DIS3L2: variants seen among roughly 807,000 people sequenced by gnomAD.
DIS3L2 encodes the protein DIS3 like 3'-5' exoribonuclease 2, also known as DIS3-like exonuclease 2.
In DIS3L2, 34 loss-of-function variants were observed where a neutral mutation model predicts 97.5. The observed-to-expected ratio is 0.35, with a 90% CI of 0.27 to 0.46. DIS3L2 has a LOEUF of 0.46. Among genes scored for constraint, DIS3L2 ranks in the 20% least tolerant of loss-of-function variants. The pLI, the probability that DIS3L2 is intolerant of heterozygous loss-of-function variation, is 1.00. For synonymous variants in DIS3L2, 435 were observed against 445.2 expected (o/e 0.98, Z 0.29); for missense variants, 1,038 against 1,146.0 (o/e 0.91, Z 1.36).
intron 9 of DIS3L2, among the ~76,000 whole-genome samples, chr2:232,183,951 G>T (rs868541991): frequency 1.3e-5 from 2 of 152,144 alleles, no homozygotes; most frequent in African/African-American, 4.8e-5. Context: ...TTTTCACCAC[G>T]ATTACAATGC....
At chr2:232,052,214 G>A (rs959729055) in intron 5 of DIS3L2, among the ~76,000 whole-genome samples, 19 of 152,084 alleles carry the variant, frequency 1.2e-4, no homozygotes, top group African/African-American at 4.1e-4. Flanking sequence ...AGTAGAGACG[G>A]GGTTTTGCCG....
intron 13 of DIS3L2, among the ~76,000 whole-genome samples, chr2:232,280,883 C>G (rs561999526): frequency 1.6e-4 from 24 of 152,308 alleles, no homozygotes; most frequent in Non-Finnish European, 3.2e-4. Flanking sequence ...GTTGTAGAAG[C>G]TGGCAGAAGA....
chr2:232,028,644 G>A (rs1370640082), intron 4 of DIS3L2, among the ~76,000 whole-genome samples: 1 of 152,148 alleles, frequency 6.6e-6, no homozygotes, highest in Non-Finnish European at 1.5e-5. Flanking sequence ...CCTCCAAACA[G>A]CCCATTTTTC....
chr2:232,099,405 G>A (rs972979557), intron 6 of DIS3L2, among the ~76,000 whole-genome samples: 3 of 151,976 alleles, frequency 2.0e-5, no homozygotes, highest in Middle Eastern at 3.4e-3. Context: ...TAGTACAGAC[G>A]GGGTTTTGCC....
At chr2:232,170,422 T>G (rs1345204356) in intron 9 of DIS3L2, among the ~76,000 whole-genome samples, 1 of 152,198 alleles carries the variant, frequency 6.6e-6, no homozygotes, top group African/African-American at 2.4e-5. Context: ...ATGTCACTTT[T>G]CAGTAAAACT....
chr2:232,277,399 T>C (rs929781230), intron 13 of DIS3L2, among the ~76,000 whole-genome samples: 6 of 152,230 alleles, frequency 3.9e-5, no homozygotes, highest in African/African-American at 1.4e-4. Flanking sequence ...ACACTGCAAT[T>C]AATACTCTTA....
At chr2:232,274,871 C>G (rs1446907577) in intron 13 of DIS3L2, among the ~76,000 whole-genome samples, 1 of 152,210 alleles carries the variant, frequency 6.6e-6, no homozygotes, top group South Asian at 2.1e-4. Context: ...CAGTCTTTTA[C>G]GTTGACTTGG....
chr2:232,137,807 T>C (rs1255722124), intron 8 of DIS3L2, among the ~76,000 whole-genome samples: 1 of 152,192 alleles, frequency 6.6e-6, no homozygotes, highest in Non-Finnish European at 1.5e-5. Flanking sequence ...TACTTTCTTT[T>C]TTTCCTCTCA....
At chr2:232,115,400 G>A (rs1697676816) in intron 6 of DIS3L2, among the ~76,000 whole-genome samples, 1 of 152,100 alleles carries the variant, frequency 6.6e-6, no homozygotes, top group East Asian at 1.9e-4. Flanking sequence ...CGAATGTATT[G>A]AAAGAGAAAA....
chr2:232,310,014 C>T (rs7589461), intron 14 of DIS3L2, among the ~76,000 whole-genome samples: 30,574 of 152,192 alleles, frequency 0.2, 3,725 homozygotes, highest in African/African-American at 0.34. Flanking sequence ...CTGACAACTT[C>T]AAACCAGCAC....
chr2:232,193,643 A>G (rs16828661), intron 9 of DIS3L2, among the ~76,000 whole-genome samples: 18,611 of 152,214 alleles, frequency 0.12, 2,814 homozygotes, highest in African/African-American at 0.36. Flanking sequence ...ATCATTGGGT[A>G]TTAATATATT....
At chr2:231,979,871 C>T (rs1409136507) in intron 1 of DIS3L2, among the ~76,000 whole-genome samples, 2 of 152,122 alleles carry the variant, frequency 1.3e-5, no homozygotes, top group Admixed American at 6.6e-5. Flanking sequence ...CCACTGCGCC[C>T]GGCCTATTTT....
chr2:232,205,211 C>CATAGATATAT (rs1691995859), intron 9 of DIS3L2, among the ~76,000 whole-genome samples: 1 of 140,560 alleles, frequency 7.1e-6, no homozygotes, highest in African/African-American at 2.7e-5. Flanking sequence ...AGGCAGTTTA[C>CATAGATATAT]ATATATATAT....
At chr2:232,078,001 C>A (rs867830455) in intron 5 of DIS3L2, among the ~76,000 whole-genome samples, 1 of 126,474 alleles carries the variant, frequency 7.9e-6, no homozygotes, top group Non-Finnish European at 1.6e-5. Flanking sequence ...TTCTTTCTTT[C>A]TTTCTTTCTT....
In DIS3L2 at chr2:232,006,697, A is replaced by G. The variant is rs1574805557; in HGVS notation, c.-93-8138A>G. On this transcript the variant is annotated intron_variant, in intron 1 of 20. Coordinates refer to ENST00000325385, the MANE Select transcript of DIS3L2 (RefSeq NM_152383.5). ...ATGAGGTATAAGAGTAGAATCTTGT[A>G]AATGGTAGAAACCGAAGAGGTAAGT... Among the ~76,000 whole-genome samples, 6 of 152,330 alleles carry G rather than the reference A, an allele frequency of 3.9e-5. No individual in the cohort carries two copies. The East Asian group carries it at 1.2e-3, about 29-fold the overall frequency.
chr2:232,322,568 G>T (rs752815939), intron 14 of DIS3L2, among the ~76,000 whole-genome samples: 1 of 152,234 alleles, frequency 6.6e-6, no homozygotes, highest in Non-Finnish European at 1.5e-5. Flanking sequence ...TTTAGTGGCT[G>T]TGTGGCTGGG....
chr2:232,124,752 A>G (rs575053014), intron 6 of DIS3L2, among the ~76,000 whole-genome samples: 11 of 152,310 alleles, frequency 7.2e-5, no homozygotes, highest in African/African-American at 2.4e-4. Flanking sequence ...TTTTTAAAAA[A>G]ATATCCAAAT....
At chr2:232,244,283 T>C (rs1395501695) in intron 11 of DIS3L2, among the ~76,000 whole-genome samples, 1 of 152,102 alleles carries the variant, frequency 6.6e-6, no homozygotes, top group Non-Finnish European at 1.5e-5. Context: ...TCCCCAGCTG[T>C]GTTCTGGGGA....
chr2:232,182,163 A>T (rs942772280), intron 9 of DIS3L2, among the ~76,000 whole-genome samples: 2 of 152,122 alleles, frequency 1.3e-5, no homozygotes, highest in Admixed American at 6.5e-5. Context: ...ATATTTTAAA[A>T]TTTCCTTTGA....
Sources: allele counts gnomAD v4.1 joint callset (sites outside exome capture counted in the v4.1 genomes callset), GRCh38; gene constraint gnomAD v4.1.1; transcripts MANE v1.5; gene names NCBI Gene and HGNC (gene_info 2026-07-23, HGNC 2026-07-21).